The following CMTM7 variants were observed in gnomAD, a reference collection of about 807,000 sequenced individuals.
The protein encoded by CMTM7 is CKLF like MARVEL transmembrane domain containing 7.
A neutral mutation model predicts 19.3 loss-of-function variants in CMTM7; 7 were observed. The observed-to-expected ratio is 0.36, with a 90% confidence interval of 0.21 to 0.68. CMTM7 has a LOEUF of 0.68. CMTM7 is among the 30% of genes least tolerant of loss of function. The pLI is 0.60. For missense variants in CMTM7, 193 were observed against 232.6 expected, an observed-to-expected ratio of 0.83 and a Z score of 1.11; for synonymous variants, 87 against 99.3, an observed-to-expected ratio of 0.88 and a Z score of 0.74.
At chr3:32,415,488 TC>T (rs1391300668) in intron 1 of CMTM7, among the ~76,000 whole-genome samples, 2 of 152,222 alleles carry the variant, frequency 1.3e-5, no homozygotes, top group Non-Finnish European at 2.9e-5. Context: ...ATGCTACTCT[TC>T]ATCTCCTGAT....
At chr3:32,437,013 C>T (rs1355454286) in intron 1 of CMTM7, among the ~76,000 whole-genome samples, 1 of 152,182 alleles carries the variant, frequency 6.6e-6, no homozygotes, top group African/African-American at 2.4e-5. Context: ...TGCGGGTGTA[C>T]ACTCAAGCTG....
At chr3:32,442,328 C>T (rs1696690658) in intron 2 of CMTM7, among the ~76,000 whole-genome samples, 1 of 151,450 alleles carries the variant, frequency 6.6e-6, no homozygotes, top group Admixed American at 6.6e-5. Flanking sequence ...GAAACCCCGT[C>T]TCTACTAAAA....
At chr3:32,420,242 G>A (rs1416409767) in intron 1 of CMTM7, among the ~76,000 whole-genome samples, 1 of 152,202 alleles carries the variant, frequency 6.6e-6, no homozygotes, top group Non-Finnish European at 1.5e-5. Context: ...TCCTCCAGAT[G>A]CATCCAGATC....
intron 1 of CMTM7, among the ~76,000 whole-genome samples, chr3:32,393,305 T>C (rs1695866601): frequency 6.6e-6 from 1 of 152,190 alleles, no homozygotes; most frequent in African/African-American, 2.4e-5. Context: ...TTCAGCAACG[T>C]ACAAAAAAAT....
intron 1 of CMTM7, among the ~76,000 whole-genome samples, chr3:32,420,455 C>A (rs1488844586): frequency 6.6e-6 from 1 of 152,186 alleles, no homozygotes; most frequent in East Asian, 1.9e-4. Flanking sequence ...GAAGGGAGGT[C>A]TTTGTTTTCA....
At chr3:32,418,613 A>G (rs1364083584) in intron 1 of CMTM7, among the ~76,000 whole-genome samples, 4 of 152,232 alleles carry the variant, frequency 2.6e-5, no homozygotes, top group Admixed American at 2.0e-4. Context: ...GTTGTTTTAT[A>G]TATGGATATC....
intron 1 of CMTM7, among the ~76,000 whole-genome samples, chr3:32,440,003 A>G (rs948543652): frequency 6.6e-6 from 1 of 151,982 alleles, no homozygotes. Flanking sequence ...CACATTGCCA[A>G]ATGTCCCATA....
At chr3:32,402,220 T>A (rs944131484) in intron 1 of CMTM7, among the ~76,000 whole-genome samples, 48 of 151,882 alleles carry the variant, frequency 3.2e-4, no homozygotes, top group Non-Finnish European at 5.6e-4. Context: ...AAAATGATTC[T>A]CCTACCTCAG....
At chr3:32,425,390 GGAAACAT>G (rs1696415385) in intron 1 of CMTM7, among the ~76,000 whole-genome samples, 1 of 151,810 alleles carries the variant, frequency 6.6e-6, no homozygotes, top group South Asian at 2.1e-4. Flanking sequence ...GGAGCCTGTG[GGAAACAT>G]GAGCTCCTAA....
intron 1 of CMTM7, among the ~76,000 whole-genome samples, chr3:32,408,951 T>C (rs143498476): frequency 7.0e-4 from 107 of 152,168 alleles, no homozygotes; most frequent in African/African-American, 2.2e-3. Flanking sequence ...GGTGCAATCT[T>C]GGCTCACTGC....
chr3:32,435,288 C>T (rs1268752155), intron 1 of CMTM7, among the ~76,000 whole-genome samples: 1 of 152,122 alleles, frequency 6.6e-6, no homozygotes, highest in African/African-American at 2.4e-5. Flanking sequence ...CTTGTAGTCC[C>T]AGCTACACGG....
At chr3:32,440,348 G>C (rs1233722717) in intron 1 of CMTM7, among the ~76,000 whole-genome samples, 3 of 152,002 alleles carry the variant, frequency 2.0e-5, no homozygotes, top group African/African-American at 7.3e-5. Flanking sequence ...CAGAGTTGCA[G>C]TGAGCCAAGA....
At chr3:32,447,125 A>G (rs1696764900) in intron 2 of CMTM7, among the ~76,000 whole-genome samples, 2 of 152,034 alleles carry the variant, frequency 1.3e-5, no homozygotes, top group Non-Finnish European at 2.9e-5. Flanking sequence ...CTTCATTTTC[A>G]TACATCTCCA....
chr3:32,423,810 C>T (rs1696381688), intron 1 of CMTM7, among the ~76,000 whole-genome samples: 1 of 152,224 alleles, frequency 6.6e-6, no homozygotes, highest in Non-Finnish European at 1.5e-5. Context: ...GCTGAGGACA[C>T]ATTTTTAAGC....
chr3:32,452,569 A>G, intron 4 of CMTM7, 96 bp downstream of exon 4: 1 of 1,279,050 alleles, frequency 7.8e-7, no homozygotes, highest in Non-Finnish European at 1.1e-6. Context: ...GCTGTTGAGA[A>G]GGCTGTGTTC....
chr3:32,448,755 G>A, intron 2 of CMTM7, among the ~76,000 whole-genome samples: 1 of 151,572 alleles, frequency 6.6e-6, no homozygotes, highest in East Asian at 1.9e-4. Context: ...GCACTCTTCT[G>A]GAGAAAAGAG....
chr3:32,417,512 A>C (rs187617485), intron 1 of CMTM7, among the ~76,000 whole-genome samples: 2 of 152,380 alleles, frequency 1.3e-5, no homozygotes, highest in Non-Finnish European at 2.9e-5. Flanking sequence ...AAGTTGCTAT[A>C]AACATTCATT....
In CMTM7 at chr3:32,391,911, C is replaced by T; in HGVS notation, c.5C>T (p.Ser2Leu). ...CCAGCGAGCTGGGGCCGCGCAATGT[C>T]GCACGGAGCCGGGCTCGTCCGCACC... is the stretch of plus-strand genomic sequence containing the variant. MSHGAGLVRTTC... is the reference protein window; with the variant it reads MLHGAGLVRTTC... Residue 2 changes from serine to leucine, a missense_variant, in exon 1 of 5, where the codon TCG (serine) becomes TTG (leucine). Coordinates refer to ENST00000334983, the MANE Select transcript of CMTM7 (RefSeq NM_138410.4). 1 of 1,222,318 alleles carries T rather than the reference C, an allele frequency of 8.2e-7. No homozygotes were observed. The highest frequency in any genetic ancestry group is 1.0e-6 in the Non-Finnish European group (1 of 981,716). 75.7% of individuals were successfully genotyped at this position (1,222,318 alleles called of 1,614,324 possible). A position where few individuals can be genotyped will look rare whatever the true frequency, so the allele number is the denominator to read the frequency against.
chr3:32,413,666 C>G (rs1696214129), intron 1 of CMTM7, among the ~76,000 whole-genome samples: 1 of 152,192 alleles, frequency 6.6e-6, no homozygotes, highest in South Asian at 2.1e-4. Context: ...ATAGCTTTCT[C>G]CCTCAGCCAT....
Sources: allele counts gnomAD v4.1 joint callset (sites outside exome capture counted in the v4.1 genomes callset), GRCh38; gene constraint gnomAD v4.1.1; transcripts MANE v1.5; gene names NCBI Gene and HGNC (gene_info 2026-07-23, HGNC 2026-07-21).